The following COL25A1 variants were observed in gnomAD, a reference collection of about 807,000 sequenced individuals.
The protein encoded by COL25A1 is collagen type XXV alpha 1 chain.
A neutral mutation model predicts 128.4 loss-of-function variants in COL25A1; 103 were observed. The ratio of observed to expected loss-of-function variants is 0.80; its 90% CI spans 0.68 to 0.94. The LOEUF is 0.94. COL25A1 is among the 40% of genes least tolerant of loss of function. The pLI is 0.00. For synonymous variants in COL25A1, 279 were observed against 277.2 expected (o/e 1.01, Z -0.06); for missense variants, 745 against 840.0 (o/e 0.89, Z 1.40).
Position 108,829,115 on chromosome 4 carries a change from A to ATT in COL25A1, c.1711-1929_1711-1928dup, listed in dbSNP as rs545939331. On this transcript the variant is annotated intron_variant, in intron 32 of 37. Coordinates refer to ENST00000399132, the MANE Select transcript of COL25A1 (RefSeq NM_198721.4). ...CCAGATTTTAAATGAAACATTAAAC[A>ATT]TTTTTTTAAGAAGGGAATTTCCTTA... 1.2e-3 allele frequency among the ~76,000 whole-genome samples: 180 copies of ATT among 152,332 alleles called. 3 individuals carry two copies. The East Asian group carries it at 0.029, about 25-fold the overall frequency.
chr4:109,048,827 CA>C lies in COL25A1; in HGVS notation c.413-653del, dbSNP rs1760712092. Among the ~76,000 whole-genome samples the C allele has an allele frequency of 2.0e-5, 3 of 152,112 alleles. No homozygotes were observed. The South Asian group carries it at 6.2e-4, about 32-fold the overall frequency. ...AAGCATAAATTTTTCACTTTTTCCC[CA>C]AAATCCTCTTTCTTTTGACAAAGAT... On this transcript the variant is annotated intron_variant, in intron 4 of 37. Coordinates refer to ENST00000399132, the MANE Select transcript of COL25A1 (RefSeq NM_198721.4).
chr4:108,869,451 C>G (rs1244740804), intron 19 of COL25A1, among the ~76,000 whole-genome samples: 2 of 152,110 alleles, frequency 1.3e-5, no homozygotes, highest in Non-Finnish European at 2.9e-5. Flanking sequence ...CTGAGTCAGA[C>G]AGAAGTACAG....
rs2125698492 is a variant in COL25A1, at chr4:108,812,000, T to C, written c.*1927A>G. ...CACCTATGCATGAAACTAGAAATCT[T>C]CCCAGAAGATGGCATTGAGTCAGGA... On this transcript the variant is annotated 3_prime_UTR_variant, in exon 38 of 38. Transcript: ENST00000399132. 6.6e-6 allele frequency: 1 copy of C among 152,268 alleles called. No homozygotes were observed. Among genetic ancestry groups the C allele is most frequent in the East Asian group, 1.9e-4 (1 of 5,176 alleles). The allele number at this position is 152,268 out of a possible 1,614,324, so 9.4% of individuals were successfully genotyped here.
chr4:108,861,311 C>A (rs1030598996), intron 22 of COL25A1, among the ~76,000 whole-genome samples: 1 of 152,082 alleles, frequency 6.6e-6, no homozygotes, highest in Non-Finnish European at 1.5e-5. Flanking sequence ...CCATTTTCTT[C>A]CTTTTTATGA....
intron 11 of COL25A1, among the ~76,000 whole-genome samples, chr4:108,921,904 T>C (rs1290845226): frequency 6.6e-6 from 1 of 152,224 alleles, no homozygotes; most frequent in Non-Finnish European, 1.5e-5. Flanking sequence ...AAATTCTCCC[T>C]GTTTTAGATT....
intron 3 of COL25A1, among the ~76,000 whole-genome samples, chr4:109,140,762 G>A (rs1186872440): frequency 6.6e-6 from 1 of 152,180 alleles, no homozygotes; most frequent in South Asian, 2.1e-4. Flanking sequence ...AGGAATGCTT[G>A]TGACTTTTGC....
rs745410614 is a variant in COL25A1, at chr4:108,889,695, A to G, written c.939+6T>C. On this transcript the variant is annotated splice_donor_region_variant and intron_variant, in intron 17 of 37. Coordinates refer to ENST00000399132, the MANE Select transcript of COL25A1 (RefSeq NM_198721.4). ...GGAGTACAAATACTTGCAAGGTTAT[A>G]GTTACCTTAATTCCTGCAGCAGATG... is the stretch of plus-strand genomic sequence containing the variant. The G allele has an allele frequency of 1.9e-6, 3 of 1,613,166 alleles. No homozygotes were observed.
intron 3 of COL25A1, among the ~76,000 whole-genome samples, chr4:109,056,655 T>C (rs999585589): frequency 1.3e-5 from 2 of 151,546 alleles, no homozygotes; most frequent in African/African-American, 4.9e-5. Flanking sequence ...AAAAACTGTC[T>C]TCAAGTGGCT....
At chr4:109,123,765 G>A (rs1159576592) in intron 3 of COL25A1, among the ~76,000 whole-genome samples, 1 of 152,038 alleles carries the variant, frequency 6.6e-6, no homozygotes, top group Non-Finnish European at 1.5e-5. Context: ...TGTTCAATGA[G>A]GTCAGATGTT....
intron 31 of COL25A1, among the ~76,000 whole-genome samples, chr4:108,834,618 T>C (rs577387363): frequency 6.6e-6 from 1 of 151,976 alleles, no homozygotes; most frequent in East Asian, 1.9e-4. Flanking sequence ...ATTTGACAAG[T>C]TCTTATTTAG....
At chr4:108,823,209 A>T (rs925199930) in intron 35 of COL25A1, among the ~76,000 whole-genome samples, 1 of 152,210 alleles carries the variant, frequency 6.6e-6, no homozygotes, top group Non-Finnish European at 1.5e-5. Context: ...TAAGGTTTAA[A>T]TTTGTACTGT....
At chr4:109,116,210 C>T (rs1314838307) in intron 3 of COL25A1, among the ~76,000 whole-genome samples, 2 of 151,976 alleles carry the variant, frequency 1.3e-5, no homozygotes, top group Non-Finnish European at 2.9e-5. Flanking sequence ...CTGCCAGGGG[C>T]TCGCAGTGAA....
chr4:109,068,222 CAT>C (rs1762623216), intron 3 of COL25A1, among the ~76,000 whole-genome samples: 1 of 152,080 alleles, frequency 6.6e-6, no homozygotes, highest in South Asian at 2.1e-4. Context: ...TTCCTAATGA[CAT>C]ATTAAAGGCT....
At chr4:109,019,376 A>ATATATATATATATATATATATATATT (rs1757515637) in intron 5 of COL25A1, among the ~76,000 whole-genome samples, 1 of 15,322 alleles carries the variant, frequency 6.5e-5, no homozygotes, top group Non-Finnish European at 8.9e-5. Flanking sequence ...ACACACACAC[A>ATATATATATATATATATATATATATT]TATATATATA....
chr4:109,157,989 G>C (rs1216928709), intron 3 of COL25A1, among the ~76,000 whole-genome samples: 2 of 152,146 alleles, frequency 1.3e-5, no homozygotes, highest in African/African-American at 4.8e-5. Context: ...TAAAGCCTGT[G>C]AATACTTCTA....
intron 6 of COL25A1, among the ~76,000 whole-genome samples, chr4:108,981,173 T>C (rs1263708194): frequency 1.3e-5 from 2 of 152,194 alleles, no homozygotes; most frequent in Non-Finnish European, 2.9e-5. Context: ...AAAATAGGGA[T>C]CCTAGGTATT....
chr4:109,224,670 T>C (rs1473901727), intron 3 of COL25A1, among the ~76,000 whole-genome samples: 1 of 152,208 alleles, frequency 6.6e-6, no homozygotes, highest in African/African-American at 2.4e-5. Context: ...CTGGGCACAG[T>C]GGCTCACACC....
intron 3 of COL25A1, among the ~76,000 whole-genome samples, chr4:109,071,962 G>T (rs1560637461): frequency 1.3e-5 from 2 of 152,172 alleles, no homozygotes; most frequent in African/African-American, 4.8e-5. Context: ...ATACCCAAAG[G>T]ATTATAAATC....
rs962632662 is a variant in COL25A1 at position 108,865,767 on chromosome 4, A to G, written c.1084-2380T>C. ...TACATCTTTACTTTTTAACATTTAT[A>G]TATTTTTAGAGAGGGGACCTTGCTA... On this transcript the variant is annotated intron_variant, in intron 20 of 37. Transcript: ENST00000399132. Among the ~76,000 whole-genome samples the G allele has an allele frequency of 3.3e-5, 5 of 152,340 alleles. No individual in the cohort carries two copies. In the East Asian group the frequency reaches 5.8e-4, roughly 18 times the overall value.
Sources: gnomAD v4.1 joint callset for allele counts (sites outside exome capture counted in the v4.1 genomes callset) on GRCh38, gnomAD v4.1.1 for gene constraint, MANE v1.5 for transcripts, NCBI Gene and HGNC (gene_info 2026-07-23, HGNC 2026-07-21) for gene names.